PTPRD: variants seen among roughly 807,000 people sequenced by gnomAD.
The protein encoded by PTPRD is receptor-type tyrosine-protein phosphatase delta.
In PTPRD, 34 loss-of-function variants were observed where a neutral mutation model predicts 214.5. That is an observed-to-expected ratio of 0.16 (90% CI 0.12 to 0.21). PTPRD has a LOEUF of 0.21. Among genes scored for constraint, PTPRD ranks in the 10% least tolerant of loss-of-function variants. PTPRD has a pLI of 1.00. For missense variants in PTPRD, 2,545 were observed against 2,398.7 expected, an observed-to-expected ratio of 1.06 and a Z score of -1.27; for synonymous variants, 1,128 against 845.7, an observed-to-expected ratio of 1.33 and a Z score of -5.79.
Position 9,799,182 on chromosome 9 carries a change from T to C in PTPRD, c.-367-32331A>G, listed in dbSNP as rs972278494. Among the ~76,000 whole-genome samples the C allele has an allele frequency of 1.6e-4, 25 of 152,242 alleles. 1 individual carries two copies. Among genetic ancestry groups the C allele is most frequent in the African/African-American group, 5.8e-4 (24 of 41,556 alleles). On this transcript the variant is annotated intron_variant, in intron 5 of 45. Coordinates refer to ENST00000381196, the MANE Select transcript of PTPRD (RefSeq NM_002839.4). ...ACTTCCATATAGCAAATAAATGAGATAGGTTTGTAGTCAGGTTGAAGAGCA... is the reference window on the plus strand; with the variant it reads ...ACTTCCATATAGCAAATAAATGAGACAGGTTTGTAGTCAGGTTGAAGAGCA...
At chr9:10,563,138 A>G (rs779176953) in intron 2 of PTPRD, among the ~76,000 whole-genome samples, 13 of 152,186 alleles carry the variant, frequency 8.5e-5, no homozygotes, top group Non-Finnish European at 1.6e-4. Flanking sequence ...TGAATACCAG[A>G]AACATGCTAG....
chr9:8,628,738 C>A (rs1380406591), intron 14 of PTPRD, among the ~76,000 whole-genome samples: 1 of 151,856 alleles, frequency 6.6e-6, no homozygotes, highest in East Asian at 1.9e-4. Flanking sequence ...GGGTACTTCA[C>A]GTATTATCTT....
intron 11 of PTPRD, among the ~76,000 whole-genome samples, chr9:8,800,509 G>A (rs954660800): frequency 1.3e-5 from 2 of 152,118 alleles, no homozygotes; most frequent in African/African-American, 4.8e-5. Context: ...GGCCACAAGA[G>A]TGACTTCTGG....
At chr9:10,138,451 C>T (rs2098958223) in intron 3 of PTPRD, among the ~76,000 whole-genome samples, 1 of 151,804 alleles carries the variant, frequency 6.6e-6, no homozygotes, top group African/African-American at 2.4e-5. Context: ...AACAAAAAGT[C>T]CAGGACCAGA....
At chr9:9,694,579 A>T (rs1450298873) in intron 7 of PTPRD, among the ~76,000 whole-genome samples, 2 of 151,944 alleles carry the variant, frequency 1.3e-5, no homozygotes, top group Non-Finnish European at 2.9e-5. Context: ...GAATGTCCAG[A>T]GATGCTGTCC....
At chr9:10,556,569 A>G (rs551294057) in intron 2 of PTPRD, among the ~76,000 whole-genome samples, 1 of 152,102 alleles carries the variant, frequency 6.6e-6, no homozygotes, top group Non-Finnish European at 1.5e-5. Context: ...AGTCCTTAAT[A>G]ATTGTTACTT....
intron 4 of PTPRD, among the ~76,000 whole-genome samples, chr9:9,972,018 A>AAT (rs2095130364): frequency 6.6e-6 from 1 of 151,434 alleles, no homozygotes; most frequent in East Asian, 1.9e-4. Flanking sequence ...CTTCACTTTA[A>AAT]AAAGTTTTTC....
At chr9:9,708,929 CAGA>C (rs1023517534) in intron 7 of PTPRD, among the ~76,000 whole-genome samples, 3 of 151,892 alleles carry the variant, frequency 2.0e-5, no homozygotes, top group Non-Finnish European at 4.4e-5. Flanking sequence ...TTGTTAATCA[CAGA>C]AGATCTTTCT....
chr9:10,523,538 G>T (rs914908201), intron 2 of PTPRD, among the ~76,000 whole-genome samples: 2 of 142,500 alleles, frequency 1.4e-5, no homozygotes, highest in Admixed American at 1.5e-4. Context: ...CAAGCAGGTA[G>T]AACTGTAAGA....
chr9:9,152,324 A>G (rs1382988583), intron 10 of PTPRD, among the ~76,000 whole-genome samples: 1 of 152,184 alleles, frequency 6.6e-6, no homozygotes, highest in Non-Finnish European at 1.5e-5. Context: ...TTCAGAATAT[A>G]TGTAATACAA....
intron 3 of PTPRD, among the ~76,000 whole-genome samples, chr9:10,181,444 C>A (rs2099285201): frequency 6.6e-6 from 1 of 152,014 alleles, no homozygotes. Flanking sequence ...TTTCTAAATT[C>A]ATTTATCTCT....
intron 11 of PTPRD, among the ~76,000 whole-genome samples, chr9:8,889,152 C>T (rs759584790): frequency 6.6e-6 from 1 of 152,076 alleles, no homozygotes; most frequent in Non-Finnish European, 1.5e-5. Flanking sequence ...GAGGAGAAAG[C>T]TTTAGTCTAG....
intron 2 of PTPRD, among the ~76,000 whole-genome samples, chr9:10,486,495 G>A (rs756064591): frequency 1.3e-5 from 2 of 152,094 alleles, no homozygotes; most frequent in Non-Finnish European, 2.9e-5. Context: ...AGTTGTAGAT[G>A]TGTGGTGTTA....
intron 10 of PTPRD, among the ~76,000 whole-genome samples, chr9:9,042,466 C>A (rs969554622): frequency 3.3e-5 from 5 of 152,028 alleles, no homozygotes; most frequent in African/African-American, 9.7e-5. Flanking sequence ...ATGCAGGTCT[C>A]CCCGAAAATT....
intron 3 of PTPRD, among the ~76,000 whole-genome samples, chr9:10,067,012 T>C (rs1350131404): frequency 1.3e-5 from 2 of 151,730 alleles, no homozygotes; most frequent in African/African-American, 4.8e-5. Context: ...CTAGAGTGCA[T>C]TCCTCTCCAA....
intron 2 of PTPRD, among the ~76,000 whole-genome samples, chr9:10,531,365 G>A (rs906663843): frequency 6.6e-6 from 1 of 152,098 alleles, no homozygotes. Context: ...ACCATACTAT[G>A]CAAAAATGCA....
chr9:9,526,855 A>C (rs2074245835), intron 8 of PTPRD, among the ~76,000 whole-genome samples: 1 of 152,140 alleles, frequency 6.6e-6, no homozygotes, highest in Admixed American at 6.5e-5. Context: ...TGCTTTATAT[A>C]CCTGTAGTTT....
intron 10 of PTPRD, among the ~76,000 whole-genome samples, chr9:9,135,856 T>C (rs1443442436): frequency 2.0e-5 from 3 of 151,682 alleles, no homozygotes; most frequent in Non-Finnish European, 4.4e-5. Flanking sequence ...CACAGTTTTC[T>C]GTCATCCCTC....
At chr9:9,124,037 G>T (rs927662030) in intron 10 of PTPRD, among the ~76,000 whole-genome samples, 3 of 152,048 alleles carry the variant, frequency 2.0e-5, no homozygotes, top group Non-Finnish European at 4.4e-5. Flanking sequence ...AGTAGTTTTG[G>T]TAAACTGCCT....
Sources: allele counts gnomAD v4.1 joint callset (sites outside exome capture counted in the v4.1 genomes callset), GRCh38; gene constraint gnomAD v4.1.1; transcripts MANE v1.5; gene names NCBI Gene and HGNC (gene_info 2026-07-23, HGNC 2026-07-21).